SPATA18: variants seen among roughly 807,000 people sequenced by gnomAD.
The protein encoded by SPATA18 is spermatogenesis associated 18.
Under a neutral mutation model 68.1 loss-of-function variants are expected in SPATA18, and 54 were observed. That is an observed-to-expected ratio of 0.79 (90% CI 0.64 to 0.99). The LOEUF (loss-of-function observed/expected upper bound fraction) is 0.99, where lower values mean the gene tolerates loss of function less well. Among genes scored for constraint, SPATA18 ranks in the 50% least tolerant of loss-of-function variants. The pLI is 0.00. For synonymous variants in SPATA18, 242 were observed against 244.8 expected (o/e 0.99, Z 0.11); for missense variants, 724 against 681.1 (o/e 1.06, Z -0.70).
At chr4:52,069,977 T>G (rs904367328) in intron 5 of SPATA18, 61 bp downstream of exon 5, 24 of 1,164,222 alleles carry the variant, frequency 2.1e-5, no homozygotes, top group Non-Finnish European at 2.9e-5. Context: ...TTTTTGGTGC[T>G]CCATTACAAC....
At chr4:52,062,380 T>G (rs1738948339) in intron 4 of SPATA18, 48 bp downstream of exon 4, 1 of 1,326,784 alleles carries the variant, frequency 7.5e-7, no homozygotes. Flanking sequence ...TGTTTTCAAT[T>G]TAATTAAGTT....
intron 4 of SPATA18, among the ~76,000 whole-genome samples, chr4:52,062,582 C>G (rs1738969154): frequency 6.6e-6 from 1 of 151,848 alleles, no homozygotes; most frequent in African/African-American, 2.4e-5. Context: ...TCCCCTGGTT[C>G]CTTCTTTGGA....
At chr4:52,086,239 T>C (rs1741423262) in intron 11 of SPATA18, among the ~76,000 whole-genome samples, 1 of 152,146 alleles carries the variant, frequency 6.6e-6, no homozygotes, top group African/African-American at 2.4e-5. Context: ...CCCCTGCAGT[T>C]GATGAAACCC....
rs779933291 is a variant in SPATA18 at position 52,062,285 on chromosome 4, C to T, written c.375C>T (p.Asp125=). The T allele has an allele frequency of 4.4e-6, 7 of 1,607,814 alleles. No homozygotes were observed. The highest frequency in any genetic ancestry group is 5.9e-6 in the Non-Finnish European group (7 of 1,177,358). Residue 125 remains aspartate (D), a synonymous_variant, in exon 4 of 13, where the codon GAC becomes GAT. Transcript: ENST00000295213. ...SPRDRDMQQL[D]SNLNSTRSQC... Reference sequence around the variant, plus strand: ...GGGATCGGGATATGCAACAGTTAGACTCTAATTTGAACTCAACCCGGAGTC... The same window carrying T: ...GGGATCGGGATATGCAACAGTTAGATTCTAATTTGAACTCAACCCGGAGTC...
Position 52,078,908 on chromosome 4 carries a change from T to C in SPATA18, c.1179+15T>C, listed in dbSNP as rs775008129. 7 of 1,562,290 alleles carry C rather than the reference T, an allele frequency of 4.5e-6. 1 individual carries two copies. In the Admixed American group the frequency reaches 1.2e-4, roughly 27 times the overall value. On this transcript the variant is annotated intron_variant, in intron 8 of 12. Coordinates refer to ENST00000295213, the MANE Select transcript of SPATA18 (RefSeq NM_145263.4). ...GCAGTGTCAATGTAAGTGTTGAGTC[T>C]TTTATTAGGACTGGTTTGCTGCTGC...
intron 1 of SPATA18, among the ~76,000 whole-genome samples, chr4:52,055,163 ATGT>A (rs1462849010): frequency 1.3e-5 from 2 of 152,196 alleles, no homozygotes; most frequent in Non-Finnish European, 2.9e-5. Context: ...TATGTTAATA[ATGT>A]TGGTGGTTGT....
In SPATA18 at chr4:52,095,172, G is replaced by A. The variant is rs896193736; in HGVS notation, c.*285G>A. On this transcript the variant is annotated 3_prime_UTR_variant, in exon 13 of 13. Transcript: ENST00000295213. ...ATTCGAAGCAAAGTCCGTTACAAAG[G>A]TTCAAGATTTCCATCTCAAAACACT... is the stretch of plus-strand genomic sequence containing the variant. 2.3e-5 allele frequency: 11 copies of A among 468,646 alleles called. No individual in the cohort carries two copies. In the South Asian group the frequency reaches 2.4e-4, roughly 10 times the overall value. The allele number at this position is 468,646 out of a possible 1,614,324, so 29.0% of individuals were successfully genotyped here. A position where few individuals can be genotyped will look rare whatever the true frequency, so the allele number is the denominator to read the frequency against.
At chr4:52,082,813 T>G (rs1741062601) in intron 10 of SPATA18, 1 of 1,210,352 alleles carries the variant, frequency 8.3e-7, no homozygotes, top group Non-Finnish European at 1.0e-6. Flanking sequence ...CCCTTTGAAG[T>G]TATCTTGTAG....
At chr4:52,066,659 C>T (rs3113509) in intron 4 of SPATA18, among the ~76,000 whole-genome samples, 88,626 of 151,918 alleles carry the variant, frequency 0.58, 29,535 homozygotes, top group Middle Eastern at 0.77. Flanking sequence ...TCTCCCTTCC[C>T]CCAACCCCCA....
At chr4:52,069,006 G>A (rs1161378464) in intron 4 of SPATA18, among the ~76,000 whole-genome samples, 1 of 152,024 alleles carries the variant, frequency 6.6e-6, no homozygotes, top group African/African-American at 2.4e-5. Context: ...TGAGACTACA[G>A]GCACACACCA....
At chr4:52,051,925 T>A in intron 1 of SPATA18, 134 bp downstream of exon 1, 1 of 775,758 alleles carries the variant, frequency 1.3e-6, no homozygotes, top group South Asian at 1.5e-5. Context: ...AACCAGGATC[T>A]CAGCTTTCGA....
chr4:52,067,379 ATT>A (rs2109441145), intron 4 of SPATA18, among the ~76,000 whole-genome samples: 1 of 151,954 alleles, frequency 6.6e-6, no homozygotes, highest in African/African-American at 2.4e-5. Context: ...TTGTTTAAGT[ATT>A]CTCTTCCCTT....
At chr4:52,087,020 T>A (rs1741494804) in intron 11 of SPATA18, among the ~76,000 whole-genome samples, 1 of 152,258 alleles carries the variant, frequency 6.6e-6, no homozygotes, top group South Asian at 2.1e-4. Flanking sequence ...TGACCAGTGA[T>A]GATGAGCATT....
chr4:52,065,257 T>C (rs909486027), intron 4 of SPATA18, among the ~76,000 whole-genome samples: 62 of 152,320 alleles, frequency 4.1e-4, no homozygotes, highest in African/African-American at 1.3e-3. Context: ...TATTTTTGTT[T>C]CTTTGTTTCT....
intron 4 of SPATA18, among the ~76,000 whole-genome samples, chr4:52,069,349 G>A (rs560597304): frequency 1.6e-4 from 24 of 152,340 alleles, no homozygotes; most frequent in African/African-American, 5.3e-4. Context: ...AAGGGTGATT[G>A]TGAGGACTTT....
At chr4:52,063,745 T>G (rs1469466951) in intron 4 of SPATA18, among the ~76,000 whole-genome samples, 7 of 151,508 alleles carry the variant, frequency 4.6e-5, no homozygotes. Context: ...ACATGAGGAG[T>G]TTTTGGTCTT....
intron 11 of SPATA18, among the ~76,000 whole-genome samples, chr4:52,091,162 T>G (rs942887351): frequency 6.6e-6 from 1 of 152,054 alleles, no homozygotes; most frequent in African/African-American, 2.4e-5. Context: ...CTTCTCTACA[T>G]TGGTTATTCT....
At chr4:52,060,019 A>T (rs771649940) in intron 1 of SPATA18, among the ~76,000 whole-genome samples, 28 of 152,236 alleles carry the variant, frequency 1.8e-4, no homozygotes, top group Non-Finnish European at 3.7e-4. Context: ...AATTCAGTGC[A>T]AGCATTCAGT....
At chr4:52,077,512 T>A (rs1740497943) in intron 7 of SPATA18, among the ~76,000 whole-genome samples, 1 of 151,882 alleles carries the variant, frequency 6.6e-6, no homozygotes, top group Non-Finnish European at 1.5e-5. Context: ...TATGAATAGT[T>A]ATATAATATT....
Sources: gnomAD v4.1 joint callset for allele counts (sites outside exome capture counted in the v4.1 genomes callset) on GRCh38, gnomAD v4.1.1 for gene constraint, MANE v1.5 for transcripts, NCBI Gene and HGNC (gene_info 2026-07-23, HGNC 2026-07-21) for gene names.